The following UGT1A9 variants were observed in gnomAD, a reference collection of about 807,000 sequenced individuals.
The protein encoded by UGT1A9 is UDP-glucuronosyltransferase 1A9.
In UGT1A9, 35 loss-of-function variants were observed where a neutral mutation model predicts 45.0. The observed-to-expected ratio is 0.78, with a 90% confidence interval of 0.59 to 1.03. The LOEUF (loss-of-function observed/expected upper bound fraction) is 1.03. Among genes scored for constraint, UGT1A9 ranks in the 50% least tolerant of loss-of-function variants. The pLI, the probability that UGT1A9 is intolerant of heterozygous loss-of-function variation, is 0.00. For missense variants in UGT1A9, 687 were observed against 666.6 expected, an observed-to-expected ratio of 1.03 and a Z score of -0.34; for synonymous variants, 278 against 250.6, an observed-to-expected ratio of 1.11 and a Z score of -1.03.
At chr2:233,689,940 A>T in intron 1 of UGT1A9, 1 of 456,446 alleles carries the variant, frequency 2.2e-6, no homozygotes, top group Middle Eastern at 3.3e-4. Context: ...AGAACCCAAG[A>T]TTTTCCTTTA....
chr2:233,718,192 C>T (rs1341668137), intron 1 of UGT1A9, among the ~76,000 whole-genome samples: 5 of 152,272 alleles, frequency 3.3e-5, no homozygotes, highest in South Asian at 2.1e-4. Flanking sequence ...TCAGCCTCCC[C>T]GGAGCTTTTT....
At chr2:233,712,664 G>GT (rs2076247267) in intron 1 of UGT1A9, among the ~76,000 whole-genome samples, 1 of 152,174 alleles carries the variant, frequency 6.6e-6, no homozygotes, top group African/African-American at 2.4e-5. Flanking sequence ...TAAGAGAGAA[G>GT]TAGGAGACAG....
intron 1 of UGT1A9, chr2:233,690,423 C>A: frequency 1.6e-6 from 2 of 1,228,812 alleles, no homozygotes; most frequent in Middle Eastern, 2.2e-4. Context: ...TACCTTCATG[C>A]ACATCTTTGG....
chr2:233,743,068 G>A (rs397839835), intron 1 of UGT1A9: 3 of 339,878 alleles, frequency 8.8e-6, no homozygotes, highest in South Asian at 7.2e-5. Flanking sequence ...AAGAACAGGT[G>A]TTGGCATGAA....
chr2:233,685,726 C>T (rs900091583), intron 1 of UGT1A9, among the ~76,000 whole-genome samples: 13 of 152,166 alleles, frequency 8.5e-5, no homozygotes, highest in Admixed American at 3.3e-4. Context: ...TGTACTGCTT[C>T]GTCTTTCTCC....
rs572292446 is a variant in UGT1A9, at chr2:233,711,883, C to T, written c.855+39094C>T. On this transcript the variant is annotated intron_variant, in intron 1 of 4. Transcript: ENST00000354728. ...GTATGAGTGACTTTCTGGAGCAGGA[C>T]GAGTCTCATGGGCGTGAGACCATTG... is the stretch of plus-strand genomic sequence containing the variant. Among the ~76,000 whole-genome samples the T allele has an allele frequency of 3.3e-5, 5 of 152,278 alleles. No homozygotes were observed. In the South Asian group the frequency reaches 8.3e-4, roughly 25 times the overall value.
intron 1 of UGT1A9, among the ~76,000 whole-genome samples, chr2:233,746,102 A>G (rs1005721725): frequency 1.5e-4 from 23 of 151,842 alleles, no homozygotes; most frequent in African/African-American, 5.4e-4. Flanking sequence ...ACATGTCCAG[A>G]GTGCTTACTG....
At chr2:233,748,093 C>A (rs1693864089) in intron 1 of UGT1A9, 3 of 1,612,862 alleles carry the variant, frequency 1.9e-6, no homozygotes, top group African/African-American at 1.3e-5. Context: ...GGTGTTCGTG[C>A]CTTCATCCAA....
chr2:233,761,067 T>A, intron 1 of UGT1A9: 1 of 1,614,228 alleles, frequency 6.2e-7, no homozygotes, highest in Non-Finnish European at 8.5e-7. Context: ...GAAGTGACTT[T>A]GTGAAGGATT....
intron 1 of UGT1A9, among the ~76,000 whole-genome samples, chr2:233,717,017 A>C (rs1321283175): frequency 2.0e-5 from 3 of 152,130 alleles, no homozygotes; most frequent in Non-Finnish European, 4.4e-5. Flanking sequence ...CTCTGAAGGC[A>C]CCACCATCTT....
In UGT1A9 at chr2:233,767,782, A is replaced by G. The variant is rs1404728252; in HGVS notation, c.988-67A>G. The G allele has an allele frequency of 3.7e-6, 6 of 1,613,376 alleles. No individual in the cohort carries two copies. In the African/African-American group the frequency reaches 4.0e-5, roughly 11 times the overall value. ...AGAGGACCCCTGTTTTCTAGTTAGT[A>G]TAGCAGATTTGTTTTCTAATCATAT... is the stretch of plus-strand genomic sequence containing the variant. On this transcript the variant is annotated intron_variant, in intron 2 of 4. Coordinates refer to ENST00000354728, the MANE Select transcript of UGT1A9 (RefSeq NM_021027.3).
chr2:233,689,547 A>G (rs2074949605), intron 1 of UGT1A9, among the ~76,000 whole-genome samples: 3 of 152,252 alleles, frequency 2.0e-5, no homozygotes, highest in Admixed American at 1.3e-4. Flanking sequence ...CTTGCAGGTC[A>G]TAGGTGAATT....
chr2:233,767,045 C>G lies in UGT1A9; in HGVS notation c.867C>G (p.Ala289=), dbSNP rs900263261. 1.9e-6 allele frequency: 3 copies of G among 1,614,006 alleles called. No homozygotes were observed. The African/African-American group carries it at 4.0e-5, about 22-fold the overall frequency. The change falls in exon 2 of 5, where the codon GCC becomes GCG. Residue 289 remains alanine, a synonymous_variant. Coordinates refer to ENST00000354728, the MANE Select transcript of UGT1A9 (RefSeq NM_021027.3). ...QGKPLPMEFE[A]YINASGEHGI... is the part of the protein sequence containing the mutation. ...TCTTCTGGCTCTAGGAATTTGAAGC[C>G]TACATTAATGCTTCTGGAGAACATG...
intron 1 of UGT1A9, chr2:233,747,309 G>A: frequency 7.5e-6 from 12 of 1,603,078 alleles, no homozygotes; most frequent in Non-Finnish European, 1.0e-5. Context: ...GGAAGGTGCT[G>A]GTGGTACCCA....
In UGT1A9 at chr2:233,751,447, G is replaced by T. The variant is rs116747594; in HGVS notation, c.856-15587G>T. Reference sequence around the variant, plus strand: ...GCTGAAATGAGTTAAGACTTTGGAAGATTGTTGGGAAGGCACGATTGGTTT... The same window carrying T: ...GCTGAAATGAGTTAAGACTTTGGAATATTGTTGGGAAGGCACGATTGGTTT... On this transcript the variant is annotated intron_variant, in intron 1 of 4. Transcript: ENST00000354728. Among the ~76,000 whole-genome samples the T allele has an allele frequency of 9.7e-3, 1,485 of 152,320 alleles. 22 individuals carry two copies. Among genetic ancestry groups the T allele is most frequent in the African/African-American group, 0.034 (1,416 of 41,558 alleles).
chr2:233,739,980 C>T (rs1169628941), intron 1 of UGT1A9, among the ~76,000 whole-genome samples: 1 of 151,792 alleles, frequency 6.6e-6, no homozygotes, highest in Non-Finnish European at 1.5e-5. Flanking sequence ...GGCAGTTTTC[C>T]CCATGCTGTT....
At chr2:233,756,794 A>G (rs1409639482) in intron 1 of UGT1A9, among the ~76,000 whole-genome samples, 1 of 152,086 alleles carries the variant, frequency 6.6e-6, no homozygotes, top group Admixed American at 6.5e-5. Flanking sequence ...GTGGGGCAAT[A>G]CACTAGTAAA....
At chr2:233,754,415 G>A (rs1208600112) in intron 1 of UGT1A9, 1 of 341,654 alleles carries the variant, frequency 2.9e-6, no homozygotes, top group Non-Finnish European at 5.7e-6. Context: ...CAACAATAAA[G>A]ACAGGCATTG....
In UGT1A9 at chr2:233,769,736, T is replaced by C. The variant is rs1415322181; in HGVS notation, c.1295+1297T>C. 6.9e-6 allele frequency: 10 copies of C among 1,453,324 alleles called. No individual in the cohort carries two copies. Among genetic ancestry groups the C allele is most frequent in the Non-Finnish European group, 9.1e-6 (10 of 1,101,886 alleles). The allele number at this position is 1,453,324 out of a possible 1,614,324, so 90.0% of individuals were successfully genotyped here. A position where few individuals can be genotyped will look rare whatever the true frequency, so the allele number is the denominator to read the frequency against. The stretch of plus-strand genomic sequence containing the variant: ...TAGGCACCATGGCACACGCCTGTAG[T>C]CCCAGCCACTCTGGAGGCTAAGGCG... On this transcript the variant is annotated intron_variant, in intron 4 of 4. Coordinates refer to ENST00000354728, the MANE Select transcript of UGT1A9 (RefSeq NM_021027.3). The surrounding 1 kb of genome is among the most constrained non-coding windows in gnomAD (Gnocchi z 4.4).
Sources: allele counts gnomAD v4.1 joint callset (sites outside exome capture counted in the v4.1 genomes callset), GRCh38; gene constraint gnomAD v4.1.1; non-coding constraint Gnocchi (gnomAD v3.1); transcripts MANE v1.5; gene names NCBI Gene and HGNC (gene_info 2026-07-23, HGNC 2026-07-21).